The following NPRL3 variants were observed in gnomAD, a reference collection of about 807,000 sequenced individuals.
NPRL3 encodes the protein NPR3 like, GATOR1 complex subunit, also known as GATOR1 complex protein NPRL3.
A neutral mutation model predicts 57.2 loss-of-function variants in NPRL3; 23 were observed. That is an observed-to-expected ratio of 0.40 (90% confidence interval 0.29 to 0.57). The LOEUF (loss-of-function observed/expected upper bound fraction) is 0.57, where lower values mean the gene tolerates loss of function less well. Ranked by LOEUF, NPRL3 falls within the 20% of genes least tolerant of loss-of-function variation. The pLI is 0.42. For missense variants in NPRL3, 691 were observed against 767.1 expected (o/e 0.90, Z 1.17); for synonymous variants, 333 against 321.1 (o/e 1.04, Z -0.39).
In NPRL3 at chr16:88,866, G is replaced by A; in HGVS notation, c.1376C>T (p.Thr459Ile). 6.2e-7 allele frequency: 1 copy of A among 1,613,112 alleles called. No homozygotes were observed. The highest frequency in any genetic ancestry group is 8.5e-7 in the Non-Finnish European group (1 of 1,179,214). ...SPTSSDDMTLTSPSMDNSSAE... is the reference protein window; with the variant it reads ...SPTSSDDMTLISPSMDNSSAE... The stretch of plus-strand genomic sequence containing the variant: ...GCTGGAGTTGTCCATGCTGGGGCTG[G>A]TGAGGGTCATGTCATCGCTGCTGGC... The change falls in exon 13 of 14, where the codon ACC (threonine) becomes ATC (isoleucine). Residue 459 changes from threonine (T) to isoleucine (I), a missense_variant. Transcript: ENST00000611875.
In NPRL3 at chr16:85,938, A is replaced by G; in HGVS notation, c.*767T>C. On this transcript the variant is annotated 3_prime_UTR_variant, in exon 14 of 14. Transcript: ENST00000611875. ...ACGAGAGCTGGGGGCCTGAGTACGT[A>G]GCGCCAGGCCCGGTGTGGATGCTGG... The G allele has an allele frequency of 1.2e-6, 1 of 837,482 alleles. No individual in the cohort carries two copies. The highest frequency in any genetic ancestry group is 3.7e-5 in the Admixed American group (1 of 26,670). 51.9% of individuals were successfully genotyped at this position (837,482 alleles called of 1,614,324 possible). A position where few individuals can be genotyped will look rare whatever the true frequency, so the allele number is the denominator to read the frequency against.
At chr16:108,819 C>T (rs566974934) in intron 7 of NPRL3, among the ~76,000 whole-genome samples, 179 of 152,014 alleles carry the variant, frequency 1.2e-3, no homozygotes, top group African/African-American at 3.7e-3. Context: ...TACAGGCATG[C>T]ACCACCACGC....
chr16:127,235 ATTTTT>A (rs35559832), intron 3 of NPRL3: 41 of 99,834 alleles, frequency 4.1e-4, no homozygotes, highest in Non-Finnish European at 6.2e-4. Context: ...GCACTGTCCA[ATTTTT>A]TTTTTTTTTT....
intron 7 of NPRL3, among the ~76,000 whole-genome samples, chr16:103,374 C>T (rs1899393132): frequency 7.6e-6 from 1 of 131,342 alleles, no homozygotes; most frequent in Admixed American, 8.9e-5. Context: ...CTCCTGGGCT[C>T]AAGCGATCCT....
chr16:92,877 G>T, intron 10 of NPRL3, 152 bp from the exon 11 acceptor site: 1 of 928,568 alleles, frequency 1.1e-6, no homozygotes, highest in Non-Finnish European at 1.6e-6. Flanking sequence ...CAGGCCTCCA[G>T]GTGGACAGAG....
At chr16:116,415 T>C (rs1044971628) in intron 5 of NPRL3, among the ~76,000 whole-genome samples, 10 of 152,184 alleles carry the variant, frequency 6.6e-5, no homozygotes, top group Admixed American at 2.0e-4. Flanking sequence ...CAAAAGTGTA[T>C]CAAGCAGAAA....
chr16:135,163 T>A (rs1901012164), intron 2 of NPRL3, among the ~76,000 whole-genome samples: 1 of 152,202 alleles, frequency 6.6e-6, no homozygotes, highest in Non-Finnish European at 1.5e-5. Flanking sequence ...TGGGACCAGA[T>A]AGCCATATGG....
intron 3 of NPRL3, among the ~76,000 whole-genome samples, chr16:128,693 G>A (rs1596538193): frequency 1.3e-5 from 2 of 152,194 alleles, no homozygotes; most frequent in Admixed American, 1.3e-4. Flanking sequence ...GTGTGAACCC[G>A]GGAGGCGGAG....
At chr16:90,114 C>G in intron 11 of NPRL3, 1 of 542,376 alleles carries the variant, frequency 1.8e-6, no homozygotes, top group South Asian at 2.5e-5. Context: ...GCCAGGGGAA[C>G]ATCTGGATCA....
rs143530629 is a variant in NPRL3 at position 108,991 on chromosome 16, C to T, written c.629+1534G>A. On this transcript the variant is annotated intron_variant, in intron 7 of 13. Transcript: ENST00000611875. ...GGCCTTTTTTTTTTCATTTTTGATA[C>T]GCGGTCTGGCTCTGTTGCTGGGGCC... 3.8e-3 allele frequency among the ~76,000 whole-genome samples: 544 copies of T among 144,900 alleles called. 4 individuals carry two copies. Among genetic ancestry groups the T allele is most frequent in the African/African-American group, 0.013 (491 of 39,134 alleles).
chr16:126,655 T>C lies in NPRL3; in HGVS notation c.188+3867A>G, dbSNP rs1259098143. Among the ~76,000 whole-genome samples, 11 of 152,160 alleles carry C rather than the reference T, an allele frequency of 7.2e-5. No individual in the cohort carries two copies. The East Asian group carries it at 1.9e-3, about 27-fold the overall frequency. ...GGGACACCAGGCTATCTCTCAGACCTGGCTTGATGGCTTCTGCCCCTACCA... is the reference window on the plus strand; with the variant it reads ...GGGACACCAGGCTATCTCTCAGACCCGGCTTGATGGCTTCTGCCCCTACCA... On this transcript the variant is annotated intron_variant, in intron 3 of 13. Coordinates refer to ENST00000611875, the MANE Select transcript of NPRL3 (RefSeq NM_001077350.3).
chr16:134,490 C>T (rs143810034), intron 2 of NPRL3, among the ~76,000 whole-genome samples: 2 of 152,130 alleles, frequency 1.3e-5, no homozygotes, highest in East Asian at 3.9e-4. Flanking sequence ...GAAGATTCAA[C>T]ATAAAGATGC....
chr16:105,164 G>C (rs1456107909), intron 7 of NPRL3, among the ~76,000 whole-genome samples: 1 of 152,192 alleles, frequency 6.6e-6, no homozygotes, highest in Admixed American at 6.5e-5. Flanking sequence ...AGGTGCCCCA[G>C]CCAAAGCCCT....
At chr16:121,082 C>T (rs1431452430) in intron 3 of NPRL3, among the ~76,000 whole-genome samples, 1 of 152,180 alleles carries the variant, frequency 6.6e-6, no homozygotes, top group Non-Finnish European at 1.5e-5. Flanking sequence ...CTAAAAACTG[C>T]TGCTCTGTCA....
In NPRL3 at chr16:138,298, G is replaced by A. The variant is rs575494127; in HGVS notation, c.-31C>T. 3 of 1,525,256 alleles carry A rather than the reference G, an allele frequency of 2.0e-6. No homozygotes were observed. Among genetic ancestry groups the A allele is most frequent in the African/African-American group, 3.0e-5 (2 of 66,740 alleles). 94.5% of individuals were successfully genotyped at this position (1,525,256 alleles called of 1,614,324 possible). A position where few individuals can be genotyped will look rare whatever the true frequency, so the allele number is the denominator to read the frequency against. ...CGTGGGGCCGGGGCCGGGGGCGGAGGGGGCCAGAGGAGGACGGAGCCGGAG... is the reference window on the plus strand; with the variant it reads ...CGTGGGGCCGGGGCCGGGGGCGGAGAGGGCCAGAGGAGGACGGAGCCGGAG... On this transcript the variant is annotated 5_prime_UTR_variant, in exon 2 of 14. Transcript: ENST00000611875.
chr16:134,694 A>ATTATTATTTTTTTTTTTTTTTT (rs1346965930), intron 2 of NPRL3, among the ~76,000 whole-genome samples: 5 of 103,408 alleles, frequency 4.8e-5, no homozygotes, highest in African/African-American at 1.7e-4. Flanking sequence ...AATTATTATT[A>ATTATTATTTTTTTTTTTTTTTT]TTTTTTTTTT....
chr16:123,667 A>G, intron 3 of NPRL3: 2 of 434,338 alleles, frequency 4.6e-6, no homozygotes, highest in Admixed American at 2.6e-5. Context: ...GCCACCATTA[A>G]GCATTAACTG....
chr16:122,883 G>A (rs945240167), intron 3 of NPRL3, among the ~76,000 whole-genome samples: 6 of 152,176 alleles, frequency 3.9e-5, no homozygotes, highest in Non-Finnish European at 8.8e-5. Flanking sequence ...CTCCTTGCTG[G>A]AAGCTCACAG....
At chr16:106,942 T>C (rs1596516200) in intron 7 of NPRL3, among the ~76,000 whole-genome samples, 1 of 152,094 alleles carries the variant, frequency 6.6e-6, no homozygotes, top group African/African-American at 2.4e-5. Flanking sequence ...GGCTCCTGGG[T>C]GGCTGCAGAG....
Sources: gnomAD v4.1 joint callset for allele counts (sites outside exome capture counted in the v4.1 genomes callset) on GRCh38, gnomAD v4.1.1 for gene constraint, MANE v1.5 for transcripts, NCBI Gene and HGNC (gene_info 2026-07-23, HGNC 2026-07-21) for gene names.